Variants in KIAA1958 observed in about 807,000 individuals in gnomAD.
The protein encoded by KIAA1958 is uncharacterized protein KIAA1958.
In KIAA1958, 14 loss-of-function variants were observed where a neutral mutation model predicts 47.2. The ratio of observed to expected loss-of-function variants is 0.30; its 90% CI spans 0.20 to 0.46. KIAA1958 has a LOEUF of 0.46. Among genes scored for constraint, KIAA1958 ranks in the 20% least tolerant of loss-of-function variants. The pLI, the probability that KIAA1958 is intolerant of heterozygous loss-of-function variation, is 1.00. For missense variants in KIAA1958, 803 were observed against 909.2 expected (o/e 0.88, Z 1.50); for synonymous variants, 354 against 353.3 (o/e 1.00, Z -0.02).
chr9:112,580,429 T>C (rs1564180013), intron 2 of KIAA1958, among the ~76,000 whole-genome samples: 3 of 152,120 alleles, frequency 2.0e-5, no homozygotes, highest in Non-Finnish European at 2.9e-5. Context: ...TATATATATA[T>C]ACATAGACAC....
chr9:112,592,011 T>G (rs1835931646), intron 2 of KIAA1958, among the ~76,000 whole-genome samples: 1 of 152,126 alleles, frequency 6.6e-6, no homozygotes, highest in Admixed American at 6.6e-5. Flanking sequence ...CTCTATTGGC[T>G]AGGGTTAGAC....
At chr9:112,527,881 GA>G (rs1834685142) in intron 1 of KIAA1958, among the ~76,000 whole-genome samples, 1 of 150,948 alleles carries the variant, frequency 6.6e-6, no homozygotes, top group African/African-American at 2.4e-5. Flanking sequence ...AGGTTTCAGT[GA>G]GTGGAGATTG....
intron 2 of KIAA1958, among the ~76,000 whole-genome samples, chr9:112,585,653 C>T (rs1206922946): frequency 6.6e-6 from 1 of 152,130 alleles, no homozygotes; most frequent in African/African-American, 2.4e-5. Context: ...CAGTAATGCT[C>T]ACATGAGATA....
At chr9:112,589,335 G>T (rs367804382) in intron 2 of KIAA1958, among the ~76,000 whole-genome samples, 1 of 152,154 alleles carries the variant, frequency 6.6e-6, no homozygotes, top group African/African-American at 2.4e-5. Flanking sequence ...AGTGGCTTAC[G>T]CCTGTAATCC....
At chr9:112,509,104 G>A (rs1417549099) in intron 1 of KIAA1958, among the ~76,000 whole-genome samples, 1 of 150,238 alleles carries the variant, frequency 6.7e-6, no homozygotes, top group African/African-American at 2.4e-5. Context: ...TTTTGTCAGT[G>A]TTAGAATAGT....
chr9:112,531,711 G>T (rs1355044355), intron 1 of KIAA1958, among the ~76,000 whole-genome samples: 3 of 152,164 alleles, frequency 2.0e-5, no homozygotes, highest in African/African-American at 7.2e-5. Context: ...TAGTGAACCG[G>T]TTCCTATTTT....
At chr9:112,549,645 G>A (rs146426100) in intron 1 of KIAA1958, among the ~76,000 whole-genome samples, 4 of 152,300 alleles carry the variant, frequency 2.6e-5, no homozygotes, top group African/African-American at 4.8e-5. Flanking sequence ...TTTAAATAGG[G>A]TAACATAGGG....
intron 2 of KIAA1958, among the ~76,000 whole-genome samples, chr9:112,604,063 A>T (rs1836182183): frequency 6.6e-6 from 1 of 152,210 alleles, no homozygotes; most frequent in South Asian, 2.1e-4. Context: ...TGTGATAGCC[A>T]AGTTTGTTTT....
intron 2 of KIAA1958, among the ~76,000 whole-genome samples, chr9:112,602,346 T>C (rs1351081045): frequency 6.6e-6 from 1 of 152,196 alleles, no homozygotes; most frequent in East Asian, 1.9e-4. Context: ...AGTTGGCCTA[T>C]TTCGTACGAT....
chr9:112,648,400 C>A (rs1025206676), intron 3 of KIAA1958, among the ~76,000 whole-genome samples: 29 of 152,130 alleles, frequency 1.9e-4, no homozygotes, highest in African/African-American at 7.0e-4. Flanking sequence ...AGCAACATAA[C>A]CTAAGAGCTC....
chr9:112,592,082 GGTA>G (rs1835932865), intron 2 of KIAA1958, among the ~76,000 whole-genome samples: 1 of 152,168 alleles, frequency 6.6e-6, no homozygotes, highest in African/African-American at 2.4e-5. Flanking sequence ...TGAGTGGTTT[GGTA>G]GGAGTCAGGG....
chr9:112,602,050 G>A (rs1371115104), intron 2 of KIAA1958, among the ~76,000 whole-genome samples: 14 of 152,150 alleles, frequency 9.2e-5, no homozygotes, highest in Admixed American at 9.2e-4. Context: ...AATTAGTAAT[G>A]TTAACTATCC....
intron 1 of KIAA1958, among the ~76,000 whole-genome samples, chr9:112,554,119 A>G (rs10817357): frequency 0.54 from 82,222 of 151,950 alleles, 22,280 homozygotes; most frequent in South Asian, 0.57. Flanking sequence ...TTTTGATTCT[A>G]TGTCTCAGCA....
intron 3 of KIAA1958, among the ~76,000 whole-genome samples, chr9:112,658,966 G>A (rs907326859): frequency 7.2e-6 from 1 of 139,430 alleles, no homozygotes; most frequent in African/African-American, 2.7e-5. Context: ...CTTGCAGTGA[G>A]CCGAGATCAC....
chr9:112,650,152 T>C (rs937161931), intron 3 of KIAA1958, among the ~76,000 whole-genome samples: 1 of 152,128 alleles, frequency 6.6e-6, no homozygotes, highest in African/African-American at 2.4e-5. Context: ...CATAGAATTT[T>C]ATATTCAGAG....
intron 1 of KIAA1958, among the ~76,000 whole-genome samples, chr9:112,536,584 A>G (rs1834858750): frequency 6.6e-6 from 1 of 152,206 alleles, no homozygotes. Context: ...TCTTACCAAT[A>G]AATGGTGCAA....
chr9:112,637,891 G>C (rs1474772858), intron 2 of KIAA1958, among the ~76,000 whole-genome samples: 1 of 151,646 alleles, frequency 6.6e-6, no homozygotes, highest in Non-Finnish European at 1.5e-5. Context: ...GCTCACACCT[G>C]TAATCCCAAC....
intron 1 of KIAA1958, among the ~76,000 whole-genome samples, chr9:112,500,968 C>A (rs545286901): frequency 1.4e-4 from 21 of 151,416 alleles, no homozygotes; most frequent in African/African-American, 4.6e-4. Context: ...AAAATTAGCC[C>A]GGCATGGTTG....
chr9:112,660,776 T>C lies in KIAA1958; in HGVS notation c.*707T>C, dbSNP rs1274196008. On this transcript the variant is annotated 3_prime_UTR_variant, in exon 4 of 4. Coordinates refer to ENST00000337530, the MANE Select transcript of KIAA1958 (RefSeq NM_133465.4). ...AGGGTGTCTGTGAGAACAAGGCTTC[T>C]AGTGAACTAGACAGTTTGTACCATG... 1 of 152,298 alleles carries C rather than the reference T, an allele frequency of 6.6e-6. No individual in the cohort carries two copies. Among genetic ancestry groups the C allele is most frequent in the Non-Finnish European group, 1.5e-5 (1 of 68,098 alleles). 9.4% of individuals were successfully genotyped at this position (152,298 alleles called of 1,614,324 possible).
Sources: gnomAD v4.1 joint callset for allele counts (sites outside exome capture counted in the v4.1 genomes callset) on GRCh38, gnomAD v4.1.1 for gene constraint, MANE v1.5 for transcripts, NCBI Gene and HGNC (gene_info 2026-07-23, HGNC 2026-07-21) for gene names.